The following SCFD1 variants were observed in gnomAD, a reference collection of about 807,000 sequenced individuals.
SCFD1 encodes sec1 family domain containing 1, also known as sec1 family domain-containing protein 1.
In SCFD1, 37 loss-of-function variants were observed where a neutral mutation model predicts 103.2. The observed-to-expected ratio is 0.36, with a 90% CI of 0.28 to 0.47. The LOEUF (loss-of-function observed/expected upper bound fraction) is 0.47. SCFD1 is among the 20% of genes least tolerant of loss of function. The pLI, the probability that SCFD1 is intolerant of heterozygous loss-of-function variation, is 1.00. For missense variants in SCFD1, 639 were observed against 761.2 expected (o/e 0.84, Z 1.89); for synonymous variants, 264 against 245.0 (o/e 1.08, Z -0.73).
At chr14:30,680,352 T>C (rs1889373843) in intron 14 of SCFD1, among the ~76,000 whole-genome samples, 1 of 152,184 alleles carries the variant, frequency 6.6e-6, no homozygotes, top group African/African-American at 2.4e-5. Flanking sequence ...GGGTTTTTTT[T>C]CTTTTAAAGG....
At chr14:30,645,512 T>C (rs1885727732) in intron 7 of SCFD1, among the ~76,000 whole-genome samples, 1 of 152,104 alleles carries the variant, frequency 6.6e-6, no homozygotes, top group Admixed American at 6.6e-5. Context: ...TTCTTTTCGT[T>C]TCGTAATTCT....
chr14:30,664,988 G>T (rs899145180), intron 10 of SCFD1, among the ~76,000 whole-genome samples: 1 of 152,194 alleles, frequency 6.6e-6, no homozygotes, highest in Admixed American at 6.5e-5. Flanking sequence ...TATTATCCAG[G>T]AGAACTTCCC....
intron 1 of SCFD1, among the ~76,000 whole-genome samples, chr14:30,627,886 A>T (rs905776007): frequency 2.0e-5 from 3 of 151,214 alleles, no homozygotes; most frequent in Non-Finnish European, 4.4e-5. Flanking sequence ...ACTTACCTTA[A>T]TCTATGCTTT....
chr14:30,656,777 A>G (rs1204278168), intron 10 of SCFD1, among the ~76,000 whole-genome samples: 3 of 152,110 alleles, frequency 2.0e-5, no homozygotes, highest in Non-Finnish European at 4.4e-5. Context: ...AGAAGGCTCC[A>G]GGGGTTAGCC....
intron 16 of SCFD1, among the ~76,000 whole-genome samples, chr14:30,700,501 C>T (rs923459708): frequency 3.3e-5 from 5 of 152,224 alleles, no homozygotes; most frequent in Middle Eastern, 3.4e-3. Context: ...TGACAAAACC[C>T]CGTCTCTACT....
chr14:30,669,539 T>G (rs902344241), intron 10 of SCFD1, among the ~76,000 whole-genome samples: 1 of 150,994 alleles, frequency 6.6e-6, no homozygotes, highest in East Asian at 1.9e-4. Flanking sequence ...TTTTGGGTTT[T>G]GGGGGGTTTT....
At chr14:30,720,286 G>A (rs1177094211) in intron 21 of SCFD1, among the ~76,000 whole-genome samples, 2 of 152,166 alleles carry the variant, frequency 1.3e-5, no homozygotes, top group African/African-American at 4.8e-5. Context: ...AAAGGGGGAT[G>A]AGGATTGACT....
chr14:30,653,624 T>G (rs768154930), intron 10 of SCFD1, 36 bp downstream of exon 10: 1 of 1,342,900 alleles, frequency 7.4e-7, no homozygotes, highest in African/African-American at 1.5e-5. Flanking sequence ...TACTGAAATA[T>G]AGTAACATGC....
rs1204170466 is a variant in SCFD1, at chr14:30,694,773, G to T, written c.1243G>T (p.Ala415Ser). 1.9e-6 allele frequency: 3 copies of T among 1,575,794 alleles called. No homozygotes were observed. The highest frequency in any genetic ancestry group is 1.2e-5 in the South Asian group (1 of 83,446). Residue 415 changes from alanine (A) to serine (S), a missense_variant and splice_region_variant, in exon 15 of 25, where the codon GCA (alanine) becomes TCA (serine). Ala to Ser is a moderately conservative substitution (Grantham distance 99). Coordinates refer to ENST00000458591, the MANE Select transcript of SCFD1 (RefSeq NM_016106.4). Reference sequence around the variant, plus strand: ...TCATCTAATGTTTATTTTGAAACAGGCAAGAAAATTGGATGTATATTTTGA... The same window carrying T: ...TCATCTAATGTTTATTTTGAAACAGTCAAGAAAATTGGATGTATATTTTGA... ...VATAVLEHIK[A>S]RKLDVYFEYE...
Position 30,675,076 on chromosome 14 carries a change from C to T in SCFD1, c.1242+11C>T. On this transcript the variant is annotated intron_variant, in intron 14 of 24. Coordinates refer to ENST00000458591, the MANE Select transcript of SCFD1 (RefSeq NM_016106.4). ...TTAGAACATATAAAGGTAAATTTAA[C>T]TTTTTCCCCCCCACAATATGACTTG... The T allele has an allele frequency of 6.9e-7, 1 of 1,458,328 alleles. No homozygotes were observed. Among genetic ancestry groups the T allele is most frequent in the Non-Finnish European group, 9.4e-7 (1 of 1,065,486 alleles). The allele number at this position is 1,458,328 out of a possible 1,614,324, so 90.3% of individuals were successfully genotyped here.
intron 10 of SCFD1, chr14:30,669,751 G>C (rs1015711020): frequency 6.6e-6 from 1 of 152,414 alleles, no homozygotes; most frequent in Non-Finnish European, 1.5e-5. Flanking sequence ...GACTCTCTAA[G>C]AGTTTAAAAA....
chr14:30,684,127 A>C (rs1889727660), intron 14 of SCFD1, among the ~76,000 whole-genome samples: 1 of 152,214 alleles, frequency 6.6e-6, no homozygotes, highest in Non-Finnish European at 1.5e-5. Flanking sequence ...CGTCTGGCAA[A>C]TGTCCCAGGT....
At position 30,695,184 on chromosome 14, in the gene SCFD1, A is replaced by T. The variant is rs1415314324; in HGVS notation, c.1339+315A>T. 2.6e-5 allele frequency among the ~76,000 whole-genome samples: 4 copies of T among 152,210 alleles called. No individual in the cohort carries two copies. The South Asian group carries it at 6.2e-4, about 24-fold the overall frequency. ...GATTTGAAGGTATAACATTCAAAGC[A>T]AGTGTCTCTAAGTGATTCGCTTCCT... On this transcript the variant is annotated intron_variant, in intron 15 of 24. Transcript: ENST00000458591.
In SCFD1 at chr14:30,640,668, T is replaced by A. The variant is rs573332515; in HGVS notation, c.523+804T>A. ...AACATTTTAAATTTTATTAATAAAT[T>A]CAGAATATTAAGTGGTTTTTTTTTA... On this transcript the variant is annotated intron_variant, in intron 6 of 24. Coordinates refer to ENST00000458591, the MANE Select transcript of SCFD1 (RefSeq NM_016106.4). Among the ~76,000 whole-genome samples the A allele has an allele frequency of 1.2e-4, 18 of 152,054 alleles. No individual in the cohort carries two copies. The South Asian group carries it at 3.7e-3, about 31-fold the overall frequency.
rs191846906 is a variant in SCFD1, at chr14:30,668,687, G to A, written c.856-1569G>A. 6.7e-4 allele frequency among the ~76,000 whole-genome samples: 102 copies of A among 151,832 alleles called. 3 individuals are homozygous for A. The highest frequency in any genetic ancestry group is 1.7e-3 in the African/African-American group (72 of 41,452). ...CTAATAACCAGAATCTACAAAGAAC[G>A]TAAACAAATTTACAAGAAAAAAATC... is the stretch of plus-strand genomic sequence containing the variant. On this transcript the variant is annotated intron_variant, in intron 10 of 24. Transcript: ENST00000458591.
rs1424206473 is a variant in SCFD1 at position 30,721,870 on chromosome 14, T to C, written c.1737-14T>C. 6.2e-7 allele frequency: 1 copy of C among 1,605,346 alleles called. No individual in the cohort carries two copies. Among genetic ancestry groups the C allele is most frequent in the Non-Finnish European group, 8.5e-7 (1 of 1,173,500 alleles). On this transcript the variant is annotated splice_polypyrimidine_tract_variant and intron_variant, in intron 21 of 24. Transcript: ENST00000458591. ...CATGGGTGAAATTTTCATTACGGTT[T>C]TTCTTTATTACAGCTCAGTTCCCAG...
At chr14:30,701,283 A>C (rs2139337741) in intron 16 of SCFD1, among the ~76,000 whole-genome samples, 1 of 152,302 alleles carries the variant, frequency 6.6e-6, no homozygotes, top group South Asian at 2.1e-4. Context: ...TTTTTTAAGA[A>C]AGTGTGGTTT....
intron 5 of SCFD1, 102 bp from the exon 6 acceptor site, chr14:30,639,674 AT>A (rs981937484): frequency 1.6e-5 from 19 of 1,209,490 alleles, no homozygotes; most frequent in Non-Finnish European, 2.0e-5. Flanking sequence ...TGTAATTAGG[AT>A]TTTTTTTCAT....
chr14:30,727,617 A>G (rs1368513452), intron 23 of SCFD1, among the ~76,000 whole-genome samples: 3 of 152,212 alleles, frequency 2.0e-5, no homozygotes, highest in African/African-American at 7.2e-5. Flanking sequence ...GGCTCTTACG[A>G]GATACCAAAA....
Sources: gnomAD v4.1 joint callset for allele counts (sites outside exome capture counted in the v4.1 genomes callset) on GRCh38, gnomAD v4.1.1 for gene constraint, MANE v1.5 for transcripts, NCBI Gene and HGNC (gene_info 2026-07-23, HGNC 2026-07-21) for gene names.